The following SALL4 variants were observed in gnomAD, a reference collection of about 807,000 sequenced individuals.
SALL4 encodes spalt like transcription factor 4.
A neutral mutation model predicts 60.8 loss-of-function variants in SALL4; 4 were observed. That is an observed-to-expected ratio of 0.07 (90% confidence interval 0.03 to 0.15). SALL4 has a LOEUF of 0.15. SALL4 is among the 10% of genes least tolerant of loss of function. The pLI, the probability that SALL4 is intolerant of heterozygous loss-of-function variation, is 1.00. For synonymous variants in SALL4, 580 were observed against 574.9 expected (o/e 1.01, Z -0.13); for missense variants, 1,178 against 1,394.7 (o/e 0.84, Z 2.48).
chr20:51,802,253 C>T (rs552175277), intron 1 of SALL4, 26 bp downstream of exon 1: 4 of 1,573,428 alleles, frequency 2.5e-6, no homozygotes, highest in East Asian at 4.6e-5. Flanking sequence ...CTCCCCTCCC[C>T]GGGCGGGCGC....
Position 51,784,158 on chromosome 20 carries a change from G to T in SALL4, c.*107C>A. On this transcript the variant is annotated 3_prime_UTR_variant, in exon 4 of 4. Transcript: ENST00000217086. ...ACAACCAACGTAGTAAACATCATTT[G>T]CATATCAGTAAGAAAAAGAAAACAG... The T allele has an allele frequency of 7.7e-7, 1 of 1,295,954 alleles. No individual in the cohort carries two copies. Among genetic ancestry groups the T allele is most frequent in the Non-Finnish European group, 1.1e-6 (1 of 905,166 alleles). The allele number at this position is 1,295,954 out of a possible 1,614,324, so 80.3% of individuals were successfully genotyped here. A position where few individuals can be genotyped will look rare whatever the true frequency, so the allele number is the denominator to read the frequency against.
chr20:51,785,927 C>T (rs1318060429), intron 3 of SALL4, among the ~76,000 whole-genome samples: 1 of 151,662 alleles, frequency 6.6e-6, no homozygotes, highest in Admixed American at 6.6e-5. Flanking sequence ...CAGGCGTGAG[C>T]CACCACGTCC....
intron 1 of SALL4, chr20:51,792,688 CAAAAA>C (rs57662451): frequency 5.0e-4 from 90 of 179,722 alleles, no homozygotes; most frequent in East Asian, 1.2e-3. Flanking sequence ...GACTCCATCT[CAAAAA>C]AAAAAAAAAA....
In SALL4 at chr20:51,784,249, C is replaced by G. The variant is rs539368089; in HGVS notation, c.*16G>C. 2.5e-6 allele frequency: 4 copies of G among 1,613,032 alleles called. No homozygotes were observed. In the South Asian group the frequency reaches 3.3e-5, roughly 13 times the overall value. On this transcript the variant is annotated 3_prime_UTR_variant, in exon 4 of 4. Transcript: ENST00000217086. ...TTTCACTGTGTCTGCATTGCTCCTTCCACGCAAGTTCTCCCTTAGCTGACC... is the reference window on the plus strand; with the variant it reads ...TTTCACTGTGTCTGCATTGCTCCTTGCACGCAAGTTCTCCCTTAGCTGACC...
At chr20:51,789,929 A>T in intron 2 of SALL4, 93 bp downstream of exon 2, 3 of 1,521,564 alleles carry the variant, frequency 2.0e-6, no homozygotes, top group Non-Finnish European at 2.7e-6. Context: ...GGCTGCTTCA[A>T]GTCATACTCT....
At chr20:51,799,611 A>G (rs575771084) in intron 1 of SALL4, among the ~76,000 whole-genome samples, 4 of 152,370 alleles carry the variant, frequency 2.6e-5, no homozygotes, top group African/African-American at 9.6e-5. Flanking sequence ...TCTAACGTAG[A>G]AAGTTGACCT....
In SALL4 at chr20:51,790,296, G is replaced by C. The variant is rs1323311139; in HGVS notation, c.2187C>G (p.Ser729=). 1 of 1,614,212 alleles carries C rather than the reference G, an allele frequency of 6.2e-7. No homozygotes were observed. The change falls in exon 2 of 4, where the codon TCC becomes TCG. Residue 729 remains serine (S), a synonymous_variant. Transcript: ENST00000217086. This position sits in a 1 kb window ranked among gnomAD's most constrained non-coding sequence, Gnocchi z 5.5. ...SPTLGFAMMA[S]LDAPGKVGPA... The stretch of plus-strand genomic sequence containing the variant: ...GACCCACTTTCCCTGGGGCATCTAA[G>C]GAAGCCATCATGGCAAACCCTAGCG...
At chr20:51,784,832 A>ACC (rs2077980974) in intron 3 of SALL4, 148 bp from the exon 4 acceptor site, 3 of 868,672 alleles carry the variant, frequency 3.5e-6, no homozygotes, top group African/African-American at 1.7e-5. Flanking sequence ...ATGCCCAGAT[A>ACC]AACTGATTGA....
At chr20:51,793,655 CT>C (rs1286161102) in intron 1 of SALL4, among the ~76,000 whole-genome samples, 2 of 152,128 alleles carry the variant, frequency 1.3e-5, no homozygotes, top group East Asian at 3.9e-4. Context: ...TCTCAAACTC[CT>C]GGGTGCAAGT....
Position 51,788,907 on chromosome 20 carries a change from A to G in SALL4, c.2696T>C (p.Val899Ala). The G allele has an allele frequency of 1.2e-6, 2 of 1,614,230 alleles. No homozygotes were observed. Among genetic ancestry groups the G allele is most frequent in the Non-Finnish European group, 1.7e-6 (2 of 1,180,050 alleles). The change falls in exon 3 of 4, where the codon GTG (valine) becomes GCG (alanine). Residue 899 changes from valine (V) to alanine (A), a missense_variant. Physicochemically the swap from Val to Ala is moderately conservative, Grantham distance 64 (BLOSUM62 0). This residue lies in a region of SALL4 where 37 missense variants were observed against 73.5 expected (regional missense o/e 0.50). Coordinates refer to ENST00000217086, the MANE Select transcript of SALL4 (RefSeq NM_020436.5). This position sits in a 1 kb window ranked among gnomAD's most constrained non-coding sequence, Gnocchi z 4.1. ...ERTHTGEKPFVCNICGRAFTT... is the reference protein window; with the variant it reads ...ERTHTGEKPFACNICGRAFTT... ...AAAAGCTCGCCCACAAATGTTGCAC[A>G]CAAAAGGCTTCTCTCCAGTGTGAGT... is the stretch of plus-strand genomic sequence containing the variant.
intron 3 of SALL4, 87 bp from the exon 4 acceptor site, chr20:51,784,771 A>AT: frequency 6.9e-7 from 1 of 1,452,728 alleles, no homozygotes; most frequent in Middle Eastern, 1.8e-4. Flanking sequence ...TATGGATTTC[A>AT]TTCTACCCAG....
Position 51,802,467 on chromosome 20 carries a change from C to A in SALL4, c.-59G>T. The A allele has an allele frequency of 6.2e-7, 1 of 1,610,404 alleles. No individual in the cohort carries two copies. The highest frequency in any genetic ancestry group is 8.5e-7 in the Non-Finnish European group (1 of 1,178,952). On this transcript the variant is annotated 5_prime_UTR_variant, in exon 1 of 4. Transcript: ENST00000217086. ...TTATTTGCCCTCTCCGCCACAAATT[C>A]CTGGAGTTGGGAAATTTACCCCCCT...
In SALL4 at chr20:51,788,784, A is replaced by T; in HGVS notation, c.2742+77T>A. Reference sequence around the variant, plus strand: ...CAAAGGAGGAATGGAAGGATGGAAGAACTCATCACGGCTTGTGCCAATAAG... The same window carrying T: ...CAAAGGAGGAATGGAAGGATGGAAGTACTCATCACGGCTTGTGCCAATAAG... On this transcript the variant is annotated intron_variant, in intron 3 of 3. Coordinates refer to ENST00000217086, the MANE Select transcript of SALL4 (RefSeq NM_020436.5). The surrounding 1 kb of genome is among the most constrained non-coding windows in gnomAD (Gnocchi z 4.1). 6.4e-7 allele frequency: 1 copy of T among 1,564,386 alleles called. No individual in the cohort carries two copies. The highest frequency in any genetic ancestry group is 1.1e-5 in the South Asian group (1 of 89,986).
intron 1 of SALL4, among the ~76,000 whole-genome samples, chr20:51,798,220 C>T (rs2078089912): frequency 6.6e-6 from 1 of 152,278 alleles, no homozygotes; most frequent in East Asian, 1.9e-4. Flanking sequence ...TTTCAAACAG[C>T]CTTGAACCAA....
At chr20:51,789,794 G>C (rs190391663) in intron 2 of SALL4, among the ~76,000 whole-genome samples, 18 of 152,120 alleles carry the variant, frequency 1.2e-4, no homozygotes, top group Admixed American at 1.1e-3. Context: ...AACAAAAAAG[G>C]TATGCTGTCC....
At position 51,783,838 on chromosome 20, in the gene SALL4, T is replaced by G. The variant is rs186526148; in HGVS notation, c.*427A>C. On this transcript the variant is annotated 3_prime_UTR_variant, in exon 4 of 4. Transcript: ENST00000217086. ...CAGTTCGAGACCAGCCTGACCAACA[T>G]GGTGAAACCCAGTCTCTACTCAAAA... The G allele has an allele frequency of 2.7e-5, 6 of 222,214 alleles. No individual in the cohort carries two copies. The highest frequency in any genetic ancestry group is 2.6e-4 in the Admixed American group (5 of 19,082). The allele number at this position is 222,214 out of a possible 1,614,324, so 13.8% of individuals were successfully genotyped here.
intron 3 of SALL4, 81 bp from the exon 4 acceptor site, chr20:51,784,765 G>C: frequency 6.8e-7 from 1 of 1,479,868 alleles, no homozygotes; most frequent in Non-Finnish European, 9.4e-7. Context: ...TCTGCATATG[G>C]ATTTCATTCT....
Position 51,784,054 on chromosome 20 carries a change from T to C in SALL4, c.*211A>G. The C allele has an allele frequency of 4.4e-6, 2 of 452,432 alleles. No homozygotes were observed. Among genetic ancestry groups the C allele is most frequent in the South Asian group, 2.6e-5 (1 of 38,268 alleles). 28.0% of individuals were successfully genotyped at this position (452,432 alleles called of 1,614,324 possible). On this transcript the variant is annotated 3_prime_UTR_variant, in exon 4 of 4. Coordinates refer to ENST00000217086, the MANE Select transcript of SALL4 (RefSeq NM_020436.5). ...GAGTCTGTATTTGTTTTGGTATGCA[T>C]TTTTTTTTTATTTTTTCAACTTTTT... is the stretch of plus-strand genomic sequence containing the variant.
rs755578617 is a variant in SALL4 at position 51,791,938 on chromosome 20, G to A, written c.545C>T (p.Thr182Ile). The A allele has an allele frequency of 5.0e-6, 8 of 1,614,216 alleles. No individual in the cohort carries two copies. The highest frequency in any genetic ancestry group is 6.8e-6 in the Non-Finnish European group (8 of 1,180,032). ...CTTGGTGCCCCGTAGTGCCTGCAAG[G>A]TCACATTAGTGTTGGCCACTTTGCC... is the stretch of plus-strand genomic sequence containing the variant. ...AKGKVANTNV[T>I]LQALRGTKVA... Residue 182 changes from threonine to isoleucine, a missense_variant, in exon 2 of 4, where the codon ACC (threonine) becomes ATC (isoleucine). Thr to Ile is a moderately conservative substitution (Grantham distance 89). Transcript: ENST00000217086. This position sits in a 1 kb window ranked among gnomAD's most constrained non-coding sequence, Gnocchi z 4.6.
Sources: gnomAD v4.1 joint callset for allele counts (sites outside exome capture counted in the v4.1 genomes callset) on GRCh38, gnomAD v4.1.1 for gene constraint, gnomAD v4.1.1 regional missense constraint, Gnocchi (gnomAD v3.1) non-coding constraint, MANE v1.5 for transcripts, NCBI Gene and HGNC (gene_info 2026-07-23, HGNC 2026-07-21) for gene names.